Variants in DNAH1 observed in about 807,000 individuals in gnomAD.
The protein encoded by DNAH1 is dynein axonemal heavy chain 1.
In DNAH1, 327 loss-of-function variants were observed where a neutral mutation model predicts 484.3. The ratio of observed to expected loss-of-function variants is 0.68; its 90% CI spans 0.62 to 0.74. DNAH1 has a LOEUF of 0.74. DNAH1 is among the 30% of genes least tolerant of loss of function. The pLI is 0.00. For missense variants in DNAH1, 5,052 were observed against 5,546.8 expected (o/e 0.91, Z 2.83); for synonymous variants, 2,192 against 2,191.9 (o/e 1.00, Z 0.00).
chr3:52,370,570 A>T lies in DNAH1; in HGVS notation c.6352A>T (p.Thr2118Ser). Residue 2118 changes from threonine (T) to serine (S), a missense_variant, in exon 40 of 78, where the codon ACT becomes TCT. Physicochemically the swap from Thr to Ser is moderately conservative, Grantham distance 58. Transcript: ENST00000420323. ...IFSLIWSVGATGDSSGRTSFS... is the reference protein window; with the variant it reads ...IFSLIWSVGASGDSSGRTSFS... Reference sequence around the variant, plus strand: ...CTCCCTGATCTGGAGCGTGGGTGCCACTGGGGACAGCAGTGGCCGCACCAG... The same window carrying T: ...CTCCCTGATCTGGAGCGTGGGTGCCTCTGGGGACAGCAGTGGCCGCACCAG... 1 of 1,613,842 alleles carries T rather than the reference A, an allele frequency of 6.2e-7. No homozygotes were observed. The highest frequency in any genetic ancestry group is 1.3e-5 in the African/African-American group (1 of 75,046).
rs780014693 is a variant in DNAH1, at chr3:52,399,032, T to C, written c.12272T>C (p.Met4091Thr). The change falls in exon 76 of 78, where the codon ATG becomes ACG. Residue 4091 changes from methionine to threonine, a missense_variant. This residue lies in a region of DNAH1 where 853 missense variants were observed against 899.0 expected (regional missense o/e 0.95). Coordinates refer to ENST00000420323, the MANE Select transcript of DNAH1 (RefSeq NM_015512.5). ...CTCAAGCCTCTGTCATCATGGGTCA[T>C]GGACCTGCTGCAACGCCTGGACTTT... Reference protein sequence around the residue: ...PSLKPLSSWVMDLLQRLDFLQ... With the variant: ...PSLKPLSSWVTDLLQRLDFLQ... The C allele has an allele frequency of 7.4e-6, 12 of 1,614,082 alleles. No individual in the cohort carries two copies. In the Admixed American group the frequency reaches 1.8e-4, roughly 25 times the overall value.
intron 52 of DNAH1, 103 bp from the exon 53 acceptor site, chr3:52,384,683 C>G: frequency 8.2e-7 from 1 of 1,220,014 alleles, no homozygotes; most frequent in Non-Finnish European, 1.1e-6. Context: ...GAGGTTCCTG[C>G]TGTGGCCCCC....
At position 52,398,942 on chromosome 3, in the gene DNAH1, T is replaced by C. The variant is rs1225852432; in HGVS notation, c.12182T>C (p.Leu4061Pro). 6.2e-7 allele frequency: 1 copy of C among 1,613,514 alleles called. No homozygotes were observed. Among genetic ancestry groups the C allele is most frequent in the Non-Finnish European group, 8.5e-7 (1 of 1,179,546 alleles). The change falls in exon 76 of 78, where the codon CTG becomes CCG. Residue 4061 changes from leucine (L) to proline (P), a missense_variant. This residue lies in a region of DNAH1 where 853 missense variants were observed against 899.0 expected (regional missense o/e 0.95). Transcript: ENST00000420323. ...GLVVMSSQLE[L>P]MAASLYNNTV... The stretch of plus-strand genomic sequence containing the variant: ...GTAGTGATGTCCTCTCAGCTGGAGC[T>C]GATGGCTGCCAGCCTGTACAACAAT...
chr3:52,389,053 C>A, intron 59 of DNAH1, 116 bp downstream of exon 59: 1 of 1,258,384 alleles, frequency 7.9e-7, no homozygotes, highest in Non-Finnish European at 1.1e-6. Context: ...CTCACTCAGT[C>A]ATTCAACAAG....
intron 6 of DNAH1, 49 bp from the exon 7 acceptor site, chr3:52,331,099 C>A: frequency 6.5e-7 from 1 of 1,544,098 alleles, no homozygotes; most frequent in East Asian, 2.4e-5. Flanking sequence ...GAGGCCCCTT[C>A]CTGCCCCCAT....
chr3:52,365,110 C>G, intron 34 of DNAH1, 91 bp downstream of exon 34: 1 of 1,484,406 alleles, frequency 6.7e-7, no homozygotes, highest in African/African-American at 1.4e-5. Flanking sequence ...CAGTCCAACC[C>G]CAGGGGCCCT....
rs1225531753 is a variant in DNAH1, at chr3:52,396,892, A to T, written c.11635A>T (p.Ile3879Phe). ...GGTCCTCAAGTACACGGCAGGGGAG[A>T]TCAATTACGGGGGCCGTGTCACTGA... ...YKVLKYTAGE[I>F]NYGGRVTDDW... is the part of the protein sequence containing the mutation. The change falls in exon 73 of 78, where the codon ATC becomes TTC. Residue 3879 changes from isoleucine to phenylalanine, a missense_variant. Physicochemically the swap from Ile to Phe is conservative, Grantham distance 21. Transcript: ENST00000420323. 1.3e-6 allele frequency: 2 copies of T among 1,594,834 alleles called. No individual in the cohort carries two copies. The highest frequency in any genetic ancestry group is 1.4e-5 in the African/African-American group (1 of 73,736).
rs560277448 is a variant in DNAH1 at position 52,353,955 on chromosome 3, G to A, written c.3480+322G>A. 4 of 330,070 alleles carry A rather than the reference G, an allele frequency of 1.2e-5. No individual in the cohort carries two copies. The highest frequency in any genetic ancestry group is 6.5e-5 in the African/African-American group (3 of 46,366). The allele number at this position is 330,070 out of a possible 1,614,324, so 20.4% of individuals were successfully genotyped here. A position where few individuals can be genotyped will look rare whatever the true frequency, so the allele number is the denominator to read the frequency against. ...GCCTGTAAATCCCAGCACTTTGGGA[G>A]GATGAGGAGGAAGGATCGCTTGAGC... On this transcript the variant is annotated intron_variant, in intron 20 of 77. Coordinates refer to ENST00000420323, the MANE Select transcript of DNAH1 (RefSeq NM_015512.5). The surrounding 1 kb of genome is among the most constrained non-coding windows in gnomAD (Gnocchi z 5.0).
At chr3:52,400,209 G>A (rs561378197) in intron 77 of DNAH1, 116 bp from the exon 78 acceptor site, 1 of 1,413,334 alleles carries the variant, frequency 7.1e-7, no homozygotes, top group South Asian at 1.3e-5. Context: ...GCTTCCTCTT[G>A]GGTCAGGGCC....
At chr3:52,372,775 T>G in intron 43 of DNAH1, 121 bp from the exon 44 acceptor site, 3 of 1,338,168 alleles carry the variant, frequency 2.2e-6, no homozygotes, top group Non-Finnish European at 2.0e-6. Flanking sequence ...CATCTAGCAA[T>G]TTGGAGGAGG....
At position 52,392,534 on chromosome 3, in the gene DNAH1, C is replaced by T. The variant is rs1264546645; in HGVS notation, c.10123C>T (p.Gln3375Ter). The change falls in exon 64 of 78, where the codon CAG becomes TAG. Residue 3375 changes from glutamine (Q) to a stop codon, truncating the protein, a stop_gained. Coordinates refer to ENST00000420323, the MANE Select transcript of DNAH1 (RefSeq NM_015512.5). LOFTEE classifies it high-confidence loss of function. ...ERPDLEEAKNQLIISNAKMRQ... is the reference protein window; with the variant it reads ...ERPDLEEAKN Reference sequence around the variant, plus strand: ...ACCCGACCTGGAGGAGGCCAAGAACCAGCTGATTATCAGTAATGCCAAGAT... The same window carrying T: ...ACCCGACCTGGAGGAGGCCAAGAACTAGCTGATTATCAGTAATGCCAAGAT... 2 of 1,613,850 alleles carry T rather than the reference C, an allele frequency of 1.2e-6. No homozygotes were observed. The highest frequency in any genetic ancestry group is 1.3e-5 in the African/African-American group (1 of 74,930).
At chr3:52,313,203 C>A (rs925197413), upstream of DNAH1, among the ~76,000 whole-genome samples, 1 of 152,084 alleles carries the variant, frequency 6.6e-6, no homozygotes, top group South Asian at 2.1e-4. Flanking sequence ...GGCTGGGGGC[C>A]CTGTTGATGG....
chr3:52,370,008 A>G lies in DNAH1; in HGVS notation c.6127A>G (p.Ser2043Gly). 6.2e-7 allele frequency: 1 copy of G among 1,613,026 alleles called. No individual in the cohort carries two copies. The highest frequency in any genetic ancestry group is 1.7e-5 in the Admixed American group (1 of 60,010). ...GGAGCATTTCAAGGCCCTCTTTGTC[A>G]GCTTCCTGGAGGTGAGTGAGGCCAC... is the stretch of plus-strand genomic sequence containing the variant. ...YEEHFKALFVSFLEESISFVR... is the reference protein window; with the variant it reads ...YEEHFKALFVGFLEESISFVR... Residue 2043 changes from serine to glycine, a missense_variant, in exon 38 of 78, where the codon AGC (serine) becomes GGC (glycine). Ser to Gly is a moderately conservative substitution (Grantham distance 56). Transcript: ENST00000420323.
At chr3:52,390,801 C>T (rs1050702273) in intron 60 of DNAH1, 134 bp from the exon 61 acceptor site, 34 of 1,354,024 alleles carry the variant, frequency 2.5e-5, no homozygotes, top group Non-Finnish European at 3.2e-5. Context: ...TTGTCACCTG[C>T]CCCCAACCTC....
At position 52,369,793 on chromosome 3, in the gene DNAH1, C is replaced by G. The variant is rs778689975; in HGVS notation, c.5944-32C>G. ...TTCTCCAGGCCTGAGGACTGGCAGC[C>G]AGCCCACTCATTTGGTTCGTCTTGG... On this transcript the variant is annotated intron_variant, in intron 37 of 77. Coordinates refer to ENST00000420323, the MANE Select transcript of DNAH1 (RefSeq NM_015512.5). The G allele has an allele frequency of 3.8e-6, 6 of 1,577,722 alleles. No homozygotes were observed. In the African/African-American group the frequency reaches 8.1e-5, roughly 21 times the overall value.
intron 8 of DNAH1, among the ~76,000 whole-genome samples, chr3:52,338,764 G>A (rs978911595): frequency 2.6e-5 from 4 of 151,850 alleles, no homozygotes; most frequent in Admixed American, 2.0e-4. Context: ...GGTGGTTCAC[G>A]CCTGTAATCC....
chr3:52,394,239 A>T (rs1459629418), intron 66 of DNAH1, among the ~76,000 whole-genome samples: 3 of 152,200 alleles, frequency 2.0e-5, no homozygotes, highest in East Asian at 1.9e-4. Flanking sequence ...TCTACTCCCA[A>T]ATGAGGAGGC....
In DNAH1 at chr3:52,386,175, G is replaced by A. The variant is rs370257194; in HGVS notation, c.8641G>A (p.Ala2881Thr). Residue 2881 changes from alanine (A) to threonine (T), a missense_variant, in exon 55 of 78, where the codon GCC becomes ACC. Ala to Thr is a moderately conservative substitution (Grantham distance 58, BLOSUM62 0). Transcript: ENST00000420323. Reference protein sequence around the residue: ...MEQIKVDTAIAEETRNSVQTE... With the variant: ...MEQIKVDTAITEETRNSVQTE... ...CCATCCCCAGGTGGATACGGCCATC[G>A]CCGAGGAGACCCGGAATTCAGTGCA... 131 of 1,613,238 alleles carry A rather than the reference G, an allele frequency of 8.1e-5. No homozygotes were observed. Among genetic ancestry groups the A allele is most frequent in the Non-Finnish European group, 1.0e-4 (121 of 1,179,484 alleles).
upstream of DNAH1, among the ~76,000 whole-genome samples, chr3:52,314,228 AAC>A (rs1398011625): frequency 6.6e-6 from 1 of 152,218 alleles, no homozygotes; most frequent in Non-Finnish European, 1.5e-5. Flanking sequence ...AATTATAATA[AAC>A]AGTTTCCTGT....
Sources: allele counts gnomAD v4.1 joint callset (sites outside exome capture counted in the v4.1 genomes callset), GRCh38; gene constraint gnomAD v4.1.1; regional missense constraint gnomAD v4.1.1; non-coding constraint Gnocchi (gnomAD v3.1); transcripts MANE v1.5; gene names NCBI Gene and HGNC (gene_info 2026-07-23, HGNC 2026-07-21).